Variants in GRK5 observed in about 807,000 individuals in gnomAD.
GRK5 encodes the protein g protein-coupled receptor kinase GRK5.
A neutral mutation model predicts 78.4 loss-of-function variants in GRK5; 40 were observed. The ratio of observed to expected loss-of-function variants is 0.51; its 90% CI spans 0.40 to 0.66. The LOEUF (loss-of-function observed/expected upper bound fraction) is 0.66, where lower values mean the gene tolerates loss of function less well. GRK5 is among the 30% of genes least tolerant of loss of function. The pLI is 0.00. For synonymous variants in GRK5, 289 were observed against 296.8 expected (o/e 0.97, Z 0.27); for missense variants, 598 against 759.9 (o/e 0.79, Z 2.50).
At chr10:119,429,262 G>A (rs1008762231) in intron 6 of GRK5, among the ~76,000 whole-genome samples, 8 of 152,118 alleles carry the variant, frequency 5.3e-5, no homozygotes, top group Admixed American at 5.2e-4. Context: ...GTGCGGCTGT[G>A]GTGCCACAGA....
chr10:119,372,300 A>G (rs904185317), intron 2 of GRK5, among the ~76,000 whole-genome samples: 15 of 152,214 alleles, frequency 9.9e-5, no homozygotes, highest in African/African-American at 3.4e-4. Flanking sequence ...TGAACTATGT[A>G]CTAATCAGCT....
chr10:119,307,455 T>C (rs1213217892), intron 1 of GRK5, among the ~76,000 whole-genome samples: 1 of 152,076 alleles, frequency 6.6e-6, no homozygotes, highest in East Asian at 1.9e-4. Context: ...GAGTGGACTG[T>C]GCCTGTGAAA....
intron 1 of GRK5, among the ~76,000 whole-genome samples, chr10:119,226,291 C>CT (rs923642113): frequency 8.4e-4 from 106 of 125,848 alleles, no homozygotes; most frequent in Admixed American, 1.4e-3. Context: ...TCTTCTTTTT[C>CT]TTTTTTTTTT....
chr10:119,331,105 C>CT (rs1225848651), intron 2 of GRK5, among the ~76,000 whole-genome samples: 4 of 152,256 alleles, frequency 2.6e-5, no homozygotes, highest in African/African-American at 7.2e-5. Context: ...TGGCTCTGAG[C>CT]TTTTTTCTGT....
intron 2 of GRK5, among the ~76,000 whole-genome samples, chr10:119,364,209 G>A (rs974983115): frequency 3.3e-5 from 5 of 152,222 alleles, no homozygotes; most frequent in Non-Finnish European, 5.9e-5. Context: ...AATGAGCTGA[G>A]CAAACCTGGA....
chr10:119,377,307 G>A lies in GRK5; in HGVS notation c.149-3508G>A, dbSNP rs772089214. On this transcript the variant is annotated intron_variant, in intron 2 of 15. Coordinates refer to ENST00000392870, the MANE Select transcript of GRK5 (RefSeq NM_005308.3). ...ACTTTCCAGAAGCAACCTATACCTC[G>A]GGTTTGCTCTTGATACATCAAGAAC... Among the ~76,000 whole-genome samples the A allele has an allele frequency of 1.3e-4, 20 of 152,236 alleles. No individual in the cohort carries two copies. In the Middle Eastern group the frequency reaches 0.01, roughly 78 times the overall value.
intron 1 of GRK5, among the ~76,000 whole-genome samples, chr10:119,313,257 ATGG>A (rs1414383129): frequency 3.3e-5 from 4 of 121,630 alleles, no homozygotes; most frequent in Non-Finnish European, 7.0e-5. Context: ...GGTGGTGGTG[ATGG>A]TGGTGGTAAT....
In GRK5 at chr10:119,379,661, C is replaced by T. The variant is rs1267428697; in HGVS notation, c.149-1154C>T. Among the ~76,000 whole-genome samples, 1 of 152,176 alleles carries T rather than the reference C, an allele frequency of 6.6e-6. No individual in the cohort carries two copies. The highest frequency in any genetic ancestry group is 1.5e-5 in the Non-Finnish European group (1 of 68,032). ...CCGACTGTGTCCCGTGCAGCTGCAA[C>T]ATCGATGGCCTAGTGTTCCGTGCTC... On this transcript the variant is annotated intron_variant, in intron 2 of 15. Transcript: ENST00000392870. The surrounding 1 kb of genome is among the most constrained non-coding windows in gnomAD (Gnocchi z 4.1).
chr10:119,367,963 G>A (rs1156472397), intron 2 of GRK5, among the ~76,000 whole-genome samples: 3 of 152,250 alleles, frequency 2.0e-5, no homozygotes, highest in African/African-American at 4.8e-5. Flanking sequence ...CAGGCGCCTC[G>A]GCAGGGCCAG....
At chr10:119,308,464 C>G (rs1371776869) in intron 1 of GRK5, among the ~76,000 whole-genome samples, 1 of 152,212 alleles carries the variant, frequency 6.6e-6, no homozygotes, top group Non-Finnish European at 1.5e-5. Flanking sequence ...CGTGTGCCCC[C>G]TCAGAATCCT....
chr10:119,262,618 G>A (rs1046540580), intron 1 of GRK5, among the ~76,000 whole-genome samples: 2 of 151,936 alleles, frequency 1.3e-5, no homozygotes, highest in Middle Eastern at 3.2e-3. Flanking sequence ...CTGGGATTTG[G>A]GCGTGAGCCA....
chr10:119,404,316 G>A (rs974825760), intron 4 of GRK5, among the ~76,000 whole-genome samples: 5 of 152,326 alleles, frequency 3.3e-5, no homozygotes, highest in Middle Eastern at 3.4e-3. Flanking sequence ...TGTAACTTCT[G>A]TGGGAAATGT....
chr10:119,421,360 G>C (rs1408346242), intron 4 of GRK5, among the ~76,000 whole-genome samples: 1 of 152,222 alleles, frequency 6.6e-6, no homozygotes, highest in Non-Finnish European at 1.5e-5. Context: ...CAAGCCCCCA[G>C]TTGTCGACTC....
In GRK5 at chr10:119,267,631, G is replaced by A. The variant is rs148752404; in HGVS notation, c.53-58885G>A. ...CAGGTAGATAGGCAATAAAAGCACC[G>A]AACCAGCCTTAGGTTCTATAGCAAG... On this transcript the variant is annotated intron_variant, in intron 1 of 15. Coordinates refer to ENST00000392870, the MANE Select transcript of GRK5 (RefSeq NM_005308.3). This position sits in a 1 kb window ranked among gnomAD's most constrained non-coding sequence, Gnocchi z 4.1. 4.5e-3 allele frequency among the ~76,000 whole-genome samples: 682 copies of A among 152,274 alleles called. 2 individuals are homozygous for A. Among genetic ancestry groups the A allele is most frequent in the African/African-American group, 0.016 (644 of 41,546 alleles).
chr10:119,322,066 G>C (rs1160493078), intron 1 of GRK5, among the ~76,000 whole-genome samples: 1 of 152,158 alleles, frequency 6.6e-6, no homozygotes, highest in Non-Finnish European at 1.5e-5. Context: ...CTGCAGCCTT[G>C]AACTTCTGGG....
intron 2 of GRK5, among the ~76,000 whole-genome samples, chr10:119,347,859 G>A (rs943789677): frequency 2.0e-5 from 3 of 152,228 alleles, no homozygotes; most frequent in Non-Finnish European, 2.9e-5. Flanking sequence ...AGCTTGGTAG[G>A]CAGAGAAGGG....
At chr10:119,395,982 C>T (rs768184062) in intron 3 of GRK5, among the ~76,000 whole-genome samples, 9 of 152,196 alleles carry the variant, frequency 5.9e-5, no homozygotes, top group Non-Finnish European at 1.0e-4. Flanking sequence ...ATAAGAACAT[C>T]TTAAAAAACC....
chr10:119,430,443 G>A lies in GRK5; in HGVS notation c.597+5G>A. The A allele has an allele frequency of 6.2e-7, 1 of 1,610,292 alleles. No homozygotes were observed. The highest frequency in any genetic ancestry group is 8.5e-7 in the Non-Finnish European group (1 of 1,178,048). On this transcript the variant is annotated splice_donor_5th_base_variant and intron_variant, in intron 7 of 15. Transcript: ENST00000392870. This position sits in a 1 kb window ranked among gnomAD's most constrained non-coding sequence, Gnocchi z 4.5. ...GGAAAAGGGGGCTTCGGGGAGGTGA[G>A]TGAACATTCACGTTTTTAATTGAAA...
chr10:119,227,734 C>T (rs561339086), intron 1 of GRK5, among the ~76,000 whole-genome samples: 79 of 152,294 alleles, frequency 5.2e-4, no homozygotes, highest in Middle Eastern at 3.4e-3. Flanking sequence ...TGCTCGATCT[C>T]ACTAGAAATC....
Sources: gnomAD v4.1 joint callset for allele counts (sites outside exome capture counted in the v4.1 genomes callset) on GRCh38, gnomAD v4.1.1 for gene constraint, Gnocchi (gnomAD v3.1) non-coding constraint, MANE v1.5 for transcripts, NCBI Gene and HGNC (gene_info 2026-07-23, HGNC 2026-07-21) for gene names.